Variants in ZFP2 observed in about 807,000 individuals in gnomAD.
ZFP2 encodes zinc finger protein ZFP2.
In ZFP2, 33 loss-of-function variants were observed where a neutral mutation model predicts 36.1. The observed-to-expected ratio is 0.92, with a 90% CI of 0.69 to 1.22. The LOEUF is 1.22. Among genes scored for constraint, ZFP2 ranks in the 50% most tolerant of loss-of-function variants. The probability of loss-of-function intolerance (pLI) is 0.00; values close to 1 mark genes in which losing one functional copy is unlikely to be tolerated. For synonymous variants in ZFP2, 170 were observed against 178.0 expected (o/e 0.96, Z 0.36); for missense variants, 522 against 551.4 (o/e 0.95, Z 0.53).
intron 1 of ZFP2, among the ~76,000 whole-genome samples, chr5:178,900,473 G>A (rs1389291515): frequency 2.3e-5 from 1 of 43,634 alleles, no homozygotes; most frequent in Non-Finnish European, 4.5e-5. Context: ...TCTACTCCAC[G>A]TCCCCCTCCC....
intron 4 of ZFP2, among the ~76,000 whole-genome samples, chr5:178,922,880 G>A (rs763301600): frequency 1.2e-4 from 18 of 149,070 alleles, no homozygotes; most frequent in Non-Finnish European, 2.4e-4. Context: ...CTGAGAGATT[G>A]TACCTTCTAG....
rs114709316 is a variant in ZFP2 at position 178,910,258 on chromosome 5, C to T, written c.-449-2326C>T. ...AGCAGCACTCGGAATTCTGTGGGGT[C>T]GACACATAGGTCATTGCAAAAGTGC... On this transcript the variant is annotated intron_variant, in intron 1 of 4. Transcript: ENST00000361362. 4.0e-5 allele frequency: 62 copies of T among 1,536,066 alleles called. 1 individual carries two copies. The highest frequency in any genetic ancestry group is 3.1e-4 in the South Asian group (28 of 89,542).
intron 1 of ZFP2, among the ~76,000 whole-genome samples, chr5:178,900,314 G>A (rs1015489259): frequency 3.3e-5 from 5 of 151,178 alleles, no homozygotes; most frequent in East Asian, 3.9e-4. Flanking sequence ...CAGTGTCCTC[G>A]TGCCACTTCT....
rs559252960 is a variant in ZFP2, at chr5:178,912,146, A to G, written c.-449-438A>G. Among the ~76,000 whole-genome samples, 41 of 152,332 alleles carry G rather than the reference A, an allele frequency of 2.7e-4. 1 individual carries two copies. The South Asian group carries it at 8.1e-3, about 30-fold the overall frequency. On this transcript the variant is annotated intron_variant, in intron 1 of 4. Transcript: ENST00000361362. ...AGACTCGGTCTCAAAAAAATAGGAA[A>G]GAGAAAGAAAAGAAAAGAAAAGAAC...
intron 1 of ZFP2, among the ~76,000 whole-genome samples, chr5:178,906,083 G>A (rs1561678653): frequency 6.6e-6 from 1 of 152,154 alleles, no homozygotes; most frequent in Non-Finnish European, 1.5e-5. Flanking sequence ...GCCTTTTGTA[G>A]TTACCTAAAT....
chr5:178,905,717 A>G (rs995386489), intron 1 of ZFP2, among the ~76,000 whole-genome samples: 3 of 151,982 alleles, frequency 2.0e-5, no homozygotes, highest in Non-Finnish European at 4.4e-5. Flanking sequence ...ACAAATGTAT[A>G]TTACTAAGTT....
At chr5:178,931,207 A>T in intron 4 of ZFP2, 30 bp from the exon 5 acceptor site, 1 of 1,498,454 alleles carries the variant, frequency 6.7e-7, no homozygotes, top group Non-Finnish European at 8.9e-7. Flanking sequence ...ACAGAAACCA[A>T]TGTGCATTTG....
intron 1 of ZFP2, among the ~76,000 whole-genome samples, chr5:178,911,110 T>C (rs1172807994): frequency 6.6e-6 from 1 of 152,202 alleles, no homozygotes; most frequent in Non-Finnish European, 1.5e-5. Context: ...TTCCTGAAAA[T>C]ATTTGTCAGT....
At chr5:178,925,124 T>C (rs1310656160) in intron 4 of ZFP2, among the ~76,000 whole-genome samples, 4 of 69,550 alleles carry the variant, frequency 5.8e-5, no homozygotes, top group African/African-American at 1.5e-4. Flanking sequence ...TATATATATA[T>C]ATACACACAC....
chr5:178,908,620 CA>C (rs59116418), intron 1 of ZFP2, among the ~76,000 whole-genome samples: 22,331 of 77,096 alleles, frequency 0.29, 2,023 homozygotes, highest in African/African-American at 0.34. Context: ...CTTCCCCTAC[CA>C]AAAAAAAAAA....
chr5:178,916,621 T>G lies in ZFP2; in HGVS notation c.-167T>G. 1 of 967,990 alleles carries G rather than the reference T, an allele frequency of 1.0e-6. No individual in the cohort carries two copies. The highest frequency in any genetic ancestry group is 1.2e-6 in the Non-Finnish European group (1 of 823,098). The allele number at this position is 967,990 out of a possible 1,614,324, so 60.0% of individuals were successfully genotyped here. On this transcript the variant is annotated 5_prime_UTR_variant, in exon 4 of 5. Transcript: ENST00000361362. Reference sequence around the variant, plus strand: ...GACATTTAGTCCTCTCATTATCCTGTCCCAGTCAAGGGGAGAAAGTATTGA... The same window carrying G: ...GACATTTAGTCCTCTCATTATCCTGGCCCAGTCAAGGGGAGAAAGTATTGA...
At chr5:178,896,393 C>G (rs923645623) in intron 1 of ZFP2, among the ~76,000 whole-genome samples, 5 of 152,204 alleles carry the variant, frequency 3.3e-5, no homozygotes, top group African/African-American at 1.2e-4. Context: ...TGTCCCGGGA[C>G]ACGCTGCGAC....
At chr5:178,925,107 TTATATA>T (rs766110848) in intron 4 of ZFP2, among the ~76,000 whole-genome samples, 4 of 110,162 alleles carry the variant, frequency 3.6e-5, no homozygotes, top group African/African-American at 8.8e-5. Flanking sequence ...AATTGAATCT[TTATATA>T]TATATATATA....
At chr5:178,917,930 G>A (rs545934988) in intron 4 of ZFP2, among the ~76,000 whole-genome samples, 1 of 152,302 alleles carries the variant, frequency 6.6e-6, no homozygotes, top group South Asian at 2.1e-4. Context: ...TACCCTGTCT[G>A]GGAAGCTTTC....
At chr5:178,920,376 C>T (rs1445674323) in intron 4 of ZFP2, among the ~76,000 whole-genome samples, 2 of 152,160 alleles carry the variant, frequency 1.3e-5, no homozygotes, top group Non-Finnish European at 2.9e-5. Context: ...TGGTGGCTCA[C>T]ACCTGTAATC....
At chr5:178,921,118 G>A (rs936852646) in intron 4 of ZFP2, among the ~76,000 whole-genome samples, 1 of 152,154 alleles carries the variant, frequency 6.6e-6, no homozygotes, top group Non-Finnish European at 1.5e-5. Context: ...TGGCCAGTAT[G>A]GAATTTAAGC....
intron 4 of ZFP2, among the ~76,000 whole-genome samples, chr5:178,926,523 CT>C (rs34847670): frequency 1.4e-4 from 20 of 147,008 alleles, no homozygotes; most frequent in South Asian, 4.4e-4. Flanking sequence ...CTGGTATTTT[CT>C]TTTTTTTTTT....
rs766110848 is a variant in ZFP2 at position 178,925,107 on chromosome 5, T to TTATATA, written c.-77-6115_-77-6110dup. ...TGTTTTAAAACTTTAAATTGAATCT[T>TTATATA]TATATATATATATATATATACACAC... On this transcript the variant is annotated intron_variant, in intron 4 of 4. Coordinates refer to ENST00000361362, the MANE Select transcript of ZFP2 (RefSeq NM_030613.4). 4.4e-3 allele frequency among the ~76,000 whole-genome samples: 481 copies of TTATATA among 110,066 alleles called. 8 individuals carry two copies. The highest frequency in any genetic ancestry group is 0.03 in the East Asian group (135 of 4,494). The allele number at this position is 110,066 out of a possible 152,430, so 72.2% of individuals were successfully genotyped here. A position where few individuals can be genotyped will look rare whatever the true frequency, so the allele number is the denominator to read the frequency against.
intron 1 of ZFP2, chr5:178,910,599 G>A: frequency 2.2e-6 from 1 of 451,508 alleles, no homozygotes; most frequent in Non-Finnish European, 4.3e-6. Flanking sequence ...GTGACACACT[G>A]GCCCATGGTA....
Sources: gnomAD v4.1 joint callset for allele counts (sites outside exome capture counted in the v4.1 genomes callset) on GRCh38, gnomAD v4.1.1 for gene constraint, MANE v1.5 for transcripts, NCBI Gene and HGNC (gene_info 2026-07-23, HGNC 2026-07-21) for gene names.